The following TBC1D8B variants were observed in gnomAD, a reference collection of about 807,000 sequenced individuals.
The protein encoded by TBC1D8B is RP11-321G1.1.
TBC1D8B carries 75 observed loss-of-function variants against 82.9 expected under a neutral mutation model. The ratio of observed to expected loss-of-function variants is 0.90; its 90% CI spans 0.75 to 1.10. The LOEUF is 1.10. Among genes scored for constraint, TBC1D8B ranks in the 50% least tolerant of loss-of-function variants. TBC1D8B has a pLI of 0.00. For missense variants in TBC1D8B, 794 were observed against 796.9 expected (o/e 1.00, Z 0.04); for synonymous variants, 276 against 276.8 (o/e 1.00, Z 0.03).
chrX:106,835,657 A>G (rs1278894508), intron 7 of TBC1D8B, among the ~76,000 whole-genome samples: 1 of 111,826 alleles, frequency 8.9e-6, no homozygotes, highest in African/African-American at 3.3e-5. Context: ...AATTTCTTCC[A>G]TCAGATATCC....
chrX:106,826,016 T>A lies in TBC1D8B; in HGVS notation c.828-14T>A. ...AATTCATTTGTGCCTTATCCCATTT[T>A]TTCTTTCCTACAGAGGTCTGGAAAA... On this transcript the variant is annotated splice_polypyrimidine_tract_variant and intron_variant, in intron 5 of 20. Coordinates refer to ENST00000357242, the MANE Select transcript of TBC1D8B (RefSeq NM_017752.3). The A allele has an allele frequency of 1.5e-5, 18 of 1,202,742 alleles. No individual in the cohort carries two copies. The highest frequency in any genetic ancestry group is 1.8e-5 in the Non-Finnish European group (16 of 890,357).
chrX:106,862,122 G>A (rs776758260), intron 14 of TBC1D8B, among the ~76,000 whole-genome samples: 19 of 112,020 alleles, frequency 1.7e-4, no homozygotes, highest in Admixed American at 3.8e-4. Flanking sequence ...TTAGGCTAAT[G>A]GGATTTCCTT....
Position 106,849,239 on chromosome X carries a change from T to A in TBC1D8B, c.1838-786T>A. Reference sequence around the variant, plus strand: ...TTGTGTATTTTTTTTTTTTTTTTTTTTTTAGGTTCAGATGATTTTATGCCA... The same window carrying A: ...TTGTGTATTTTTTTTTTTTTTTTTTATTTAGGTTCAGATGATTTTATGCCA... On this transcript the variant is annotated intron_variant, in intron 11 of 20. Coordinates refer to ENST00000357242, the MANE Select transcript of TBC1D8B (RefSeq NM_017752.3). The A allele has an allele frequency of 3.5e-6, 4 of 1,138,730 alleles. No homozygotes were observed. The South Asian group carries it at 8.4e-5, about 24-fold the overall frequency. The allele number at this position is 1,138,730 out of a possible 1,213,427, so 93.8% of individuals were successfully genotyped here.
At chrX:106,853,991 C>G (rs1932646164) in intron 13 of TBC1D8B, among the ~76,000 whole-genome samples, 2 of 111,523 alleles carry the variant, frequency 1.8e-5, no homozygotes, top group Non-Finnish European at 3.8e-5. Context: ...TTAGTCTATT[C>G]ACATAGTAGA....
chrX:106,810,893 G>A (rs1339585974), intron 1 of TBC1D8B, among the ~76,000 whole-genome samples: 1 of 111,221 alleles, frequency 9.0e-6, no homozygotes, highest in Non-Finnish European at 1.9e-5. Context: ...AGGATGATTA[G>A]TGTTACCCCC....
At chrX:106,843,288 A>G (rs902446268) in intron 10 of TBC1D8B, among the ~76,000 whole-genome samples, 2 of 111,485 alleles carry the variant, frequency 1.8e-5, no homozygotes, top group East Asian at 5.6e-4. Flanking sequence ...AAGAGACTGC[A>G]CCATTTTATA....
chrX:106,864,512 CTTTTTTTTT>C (rs771983121), intron 14 of TBC1D8B, among the ~76,000 whole-genome samples: 14 of 82,489 alleles, frequency 1.7e-4, no homozygotes, highest in African/African-American at 6.8e-4. Context: ...TGCTGGGCAC[CTTTTTTTTT>C]TTTTTTTTTT....
At chrX:106,835,028 G>C (rs754008761) in intron 7 of TBC1D8B, among the ~76,000 whole-genome samples, 1 of 112,080 alleles carries the variant, frequency 8.9e-6, no homozygotes, top group South Asian at 3.7e-4. Context: ...ACTAGGCAAT[G>C]CTCCAATGGG....
chrX:106,827,485 C>A, intron 7 of TBC1D8B, 148 bp downstream of exon 7: 1 of 561,626 alleles, frequency 1.8e-6, no homozygotes, highest in Non-Finnish European at 2.8e-6. Context: ...TATTGTCTAA[C>A]TCACATCCTT....
chrX:106,850,455 A>G (rs1932564240), intron 12 of TBC1D8B, 145 bp downstream of exon 12: 2 of 562,602 alleles, frequency 3.6e-6, no homozygotes, highest in Non-Finnish European at 2.6e-6. Context: ...AGCTACACCT[A>G]AAGTCCAGTC....
In TBC1D8B at chrX:106,849,188, AT is replaced by A. The variant is rs1266297533; in HGVS notation, c.1838-833del. ...TTTCAGGATTGTGGTTAGGTCATCG[AT>A]TTTACTGTCTTTCATTATAATTATT... On this transcript the variant is annotated intron_variant, in intron 11 of 20. Transcript: ENST00000357242. 3 of 1,069,980 alleles carry A rather than the reference AT, an allele frequency of 2.8e-6. No homozygotes were observed. The African/African-American group carries it at 6.3e-5, about 22-fold the overall frequency. 88.2% of individuals were successfully genotyped at this position (1,069,980 alleles called of 1,213,427 possible). A position where few individuals can be genotyped will look rare whatever the true frequency, so the allele number is the denominator to read the frequency against.
chrX:106,823,411 A>G lies in TBC1D8B; in HGVS notation c.772A>G (p.Lys258Glu). 1 of 1,210,324 alleles carries G rather than the reference A, an allele frequency of 8.3e-7. No homozygotes were observed. Reference sequence around the variant, plus strand: ...CTATGCCATTAGAAGACTTTTTGATAAGGAAACATTTGATAATGACCCAGT... The same window carrying G: ...CTATGCCATTAGAAGACTTTTTGATGAGGAAACATTTGATAATGACCCAGT... ...ANYAIRRLFD[K>E]ETFDNDPVLY... The change falls in exon 5 of 21, where the codon AAG becomes GAG. Residue 258 changes from lysine to glutamate, a missense_variant. Transcript: ENST00000357242.
chrX:106,814,307 G>T (rs755636151), intron 1 of TBC1D8B: 1 of 107,169 alleles, frequency 9.3e-6, no homozygotes, highest in Non-Finnish European at 1.9e-5. Flanking sequence ...GAATAGTGCC[G>T]CAATAAACAT....
Position 106,804,215 on chromosome X carries a change from G to A in TBC1D8B, c.130+1232G>A, listed in dbSNP as rs149595100. ...AAAATGGTGCCTACCTCACAGAGTT[G>A]AGAGGATAAAACGAAAGATAATAGC... On this transcript the variant is annotated intron_variant, in intron 1 of 20. Transcript: ENST00000357242. Among the ~76,000 whole-genome samples the A allele has an allele frequency of 9.0e-3, 1,004 of 111,829 alleles. 17 individuals carry two copies. Among genetic ancestry groups the A allele is most frequent in the African/African-American group, 0.031 (955 of 30,748 alleles).
intron 1 of TBC1D8B, among the ~76,000 whole-genome samples, chrX:106,803,564 T>C (rs1279176489): frequency 1.8e-5 from 2 of 111,078 alleles, no homozygotes; most frequent in Non-Finnish European, 3.8e-5. Context: ...TCTCCCAATT[T>C]AGCATCTTTT....
At chrX:106,860,917 T>C (rs746430615) in intron 14 of TBC1D8B, among the ~76,000 whole-genome samples, 1 of 112,317 alleles carries the variant, frequency 8.9e-6, no homozygotes, top group South Asian at 3.7e-4. Flanking sequence ...GATTCTGATA[T>C]GTTGTATCTT....
intron 7 of TBC1D8B, among the ~76,000 whole-genome samples, chrX:106,831,793 A>G (rs1476381852): frequency 9.0e-6 from 1 of 111,592 alleles, no homozygotes; most frequent in Non-Finnish European, 1.9e-5. Flanking sequence ...GGTTTTAATA[A>G]ATATATGTAC....
Position 106,802,705 on chromosome X carries a change from A to C in TBC1D8B, c.-149A>C, listed in dbSNP as rs1931062772. The stretch of plus-strand genomic sequence containing the variant: ...TCTCTGCCTACGTGGGAGAGAAGGG[A>C]GGGTTGGGGGAAGTGTGGAAAACCT... On this transcript the variant is annotated 5_prime_UTR_variant, in exon 1 of 21. Transcript: ENST00000357242. The C allele has an allele frequency of 1.3e-6, 1 of 770,123 alleles. No homozygotes were observed. The highest frequency in any genetic ancestry group is 1.9e-6 in the Non-Finnish European group (1 of 532,553). 63.5% of individuals were successfully genotyped at this position (770,123 alleles called of 1,213,427 possible).
At position 106,848,261 on chromosome X, in the gene TBC1D8B, T is replaced by C. The variant is rs766823925; in HGVS notation, c.1795T>C (p.Cys599Arg). Residue 599 changes from cysteine (C) to arginine (R), a missense_variant, in exon 11 of 21, where the codon TGT becomes CGT. Coordinates refer to ENST00000357242, the MANE Select transcript of TBC1D8B (RefSeq NM_017752.3). ...AGCTTTTTGGCTTCTGGTTGCTGTATGTGAACGAATGTTGCCTGATTATTT... is the reference window on the plus strand; with the variant it reads ...AGCTTTTTGGCTTCTGGTTGCTGTACGTGAACGAATGTTGCCTGATTATTT... ...EEAFWLLVAVCERMLPDYFNR... is the reference protein window; with the variant it reads ...EEAFWLLVAVRERMLPDYFNR... 3.3e-6 allele frequency: 4 copies of C among 1,195,000 alleles called. No homozygotes were observed. The Admixed American group carries it at 8.8e-5, about 26-fold the overall frequency.
Sources: gnomAD v4.1 joint callset for allele counts (sites outside exome capture counted in the v4.1 genomes callset) on GRCh38, gnomAD v4.1.1 for gene constraint, MANE v1.5 for transcripts, NCBI Gene and HGNC (gene_info 2026-07-23, HGNC 2026-07-21) for gene names.